The following MAD1L1 variants were observed in gnomAD, a reference collection of about 807,000 sequenced individuals.
MAD1L1 encodes mitotic spindle assembly checkpoint protein MAD1.
In MAD1L1, 95 loss-of-function variants were observed where a neutral mutation model predicts 96.9. The ratio of observed to expected loss-of-function variants is 0.98; its 90% CI spans 0.83 to 1.16. MAD1L1 has a LOEUF of 1.16. MAD1L1 is among the 50% of genes most tolerant of loss of function. The pLI is 0.00. For synonymous variants in MAD1L1, 473 were observed against 396.6 expected (o/e 1.19, Z -2.29); for missense variants, 1,007 against 954.4 (o/e 1.06, Z -0.73).
At chr7:1,929,824 TGCCC>T (rs1562532764) in intron 17 of MAD1L1, among the ~76,000 whole-genome samples, 3 of 5,108 alleles carry the variant, frequency 5.9e-4, no homozygotes, top group African/African-American at 4.5e-3. Context: ...CCACGTCCCC[TGCCC>T]CGTCCCCACT....
chr7:2,090,678 C>A (rs1022824506), intron 11 of MAD1L1, among the ~76,000 whole-genome samples: 5 of 152,174 alleles, frequency 3.3e-5, no homozygotes, highest in South Asian at 2.1e-4. Flanking sequence ...CCAGGCAGGC[C>A]CCCCGCAGGG....
chr7:1,868,038 C>T (rs865891123), intron 18 of MAD1L1, among the ~76,000 whole-genome samples: 21 of 152,130 alleles, frequency 1.4e-4, no homozygotes, highest in African/African-American at 4.6e-4. Context: ...GCTGAGCAGA[C>T]GCCAGCAGTA....
intron 10 of MAD1L1, among the ~76,000 whole-genome samples, chr7:2,172,071 T>C (rs2128595524): frequency 6.6e-6 from 1 of 152,258 alleles, no homozygotes; most frequent in Non-Finnish European, 1.5e-5. Context: ...CTCTCCTGCC[T>C]GTACTTCCTC....
chr7:2,005,644 T>A (rs566339927), intron 13 of MAD1L1, among the ~76,000 whole-genome samples: 1 of 151,798 alleles, frequency 6.6e-6, no homozygotes, highest in Non-Finnish European at 1.5e-5. Context: ...CTATAAAAAA[T>A]TTAAAAATCA....
At chr7:1,828,859 A>C (rs187588021) in intron 18 of MAD1L1, among the ~76,000 whole-genome samples, 199 of 152,318 alleles carry the variant, frequency 1.3e-3, no homozygotes, top group African/African-American at 4.3e-3. Context: ...CCATATGCCC[A>C]AAAAATTGAG....
At chr7:2,123,653 G>A (rs1011413620) in intron 11 of MAD1L1, among the ~76,000 whole-genome samples, 7 of 152,186 alleles carry the variant, frequency 4.6e-5, no homozygotes, top group East Asian at 1.9e-4. Context: ...GAGGACTCAC[G>A]GGGACATGCG....
chr7:2,201,370 C>T (rs1792287336), intron 10 of MAD1L1, among the ~76,000 whole-genome samples: 1 of 152,112 alleles, frequency 6.6e-6, no homozygotes, highest in Admixed American at 6.5e-5. Context: ...CGCCAGGGCA[C>T]CCCCTGCTCT....
At chr7:1,998,576 T>C (rs2128491432) in intron 14 of MAD1L1, among the ~76,000 whole-genome samples, 1 of 152,304 alleles carries the variant, frequency 6.6e-6, no homozygotes, top group East Asian at 1.9e-4. Flanking sequence ...CATCTTCAGA[T>C]GGGAGCATCC....
chr7:1,898,437 G>A (rs1047257957), intron 17 of MAD1L1, 47 bp from the exon 18 acceptor site: 3 of 1,572,886 alleles, frequency 1.9e-6, no homozygotes, highest in South Asian at 2.3e-5. Context: ...CCAGGCCGGA[G>A]GGGTGGGGAC....
intron 12 of MAD1L1, among the ~76,000 whole-genome samples, chr7:2,025,191 C>T (rs951259597): frequency 9.2e-5 from 14 of 152,194 alleles, no homozygotes; most frequent in South Asian, 4.1e-4. Context: ...TAAACTCTCC[C>T]GAAAACAAAC....
chr7:2,223,883 A>G (rs1407032776), intron 4 of MAD1L1, among the ~76,000 whole-genome samples: 2 of 152,144 alleles, frequency 1.3e-5, no homozygotes, highest in Non-Finnish European at 2.9e-5. Context: ...CCAAGGAACA[A>G]TTGGAAAACT....
intron 18 of MAD1L1, among the ~76,000 whole-genome samples, chr7:1,868,146 C>T (rs964921951): frequency 3.9e-5 from 6 of 152,208 alleles, no homozygotes; most frequent in East Asian, 1.9e-4. Context: ...TGCACTGTGG[C>T]CCCCCAGACA....
At chr7:2,100,352 A>T (rs1036607106) in intron 11 of MAD1L1, among the ~76,000 whole-genome samples, 1 of 152,194 alleles carries the variant, frequency 6.6e-6, no homozygotes, top group African/African-American at 2.4e-5. Flanking sequence ...GAGCCTTCTG[A>T]CAGATAGTAA....
intron 18 of MAD1L1, among the ~76,000 whole-genome samples, chr7:1,883,799 G>C (rs1785836344): frequency 6.6e-6 from 1 of 152,204 alleles, no homozygotes. Flanking sequence ...CTATTACCCA[G>C]ACAGCTTCAA....
At position 2,016,691 on chromosome 7, in the gene MAD1L1, G is replaced by A. The variant is rs369711701; in HGVS notation, c.1219-2049C>T. Among the ~76,000 whole-genome samples, 8 of 564 alleles carry A rather than the reference G, an allele frequency of 0.014. No individual in the cohort carries two copies. The South Asian group carries it at 0.3, about 21-fold the overall frequency. 0.4% of individuals were successfully genotyped at this position (564 alleles called of 152,430 possible). A position where few individuals can be genotyped will look rare whatever the true frequency, so the allele number is the denominator to read the frequency against. On this transcript the variant is annotated intron_variant, in intron 12 of 18. Coordinates refer to ENST00000265854, the MANE Select transcript of MAD1L1 (RefSeq NM_001013836.2). ...CACGTCTGGGGCTCTCCTGCCGTCT[G>A]TCTCTTGAGCCAGGGACACAGGTGC...
chr7:2,060,692 G>C (rs180826985), intron 12 of MAD1L1, among the ~76,000 whole-genome samples: 80 of 152,370 alleles, frequency 5.3e-4, no homozygotes, highest in African/African-American at 1.9e-3. Flanking sequence ...CCGGGCCACG[G>C]CCATGGCAGC....
chr7:1,935,745 A>C (rs1768954791), intron 17 of MAD1L1, among the ~76,000 whole-genome samples: 2 of 152,232 alleles, frequency 1.3e-5, no homozygotes, highest in Non-Finnish European at 2.9e-5. Context: ...AGAAGGTATC[A>C]TCGGATGAAA....
At chr7:2,209,495 C>A (rs76922925) in intron 10 of MAD1L1, among the ~76,000 whole-genome samples, 2 of 152,186 alleles carry the variant, frequency 1.3e-5, no homozygotes, top group African/African-American at 2.4e-5. Context: ...GAAGCGCCCC[C>A]CTGAAGGCAG....
intron 11 of MAD1L1, among the ~76,000 whole-genome samples, chr7:2,097,756 G>C (rs1476465341): frequency 6.6e-6 from 1 of 152,240 alleles, no homozygotes; most frequent in Non-Finnish European, 1.5e-5. Context: ...GCAGGGAGTG[G>C]TGCTGAGTGG....
Sources: allele counts gnomAD v4.1 joint callset (sites outside exome capture counted in the v4.1 genomes callset), GRCh38; gene constraint gnomAD v4.1.1; transcripts MANE v1.5; gene names NCBI Gene and HGNC (gene_info 2026-07-23, HGNC 2026-07-21).